Variants in SGCD observed in about 807,000 individuals in gnomAD.
The protein encoded by SGCD is delta-sarcoglycan.
Under a neutral mutation model 36.6 loss-of-function variants are expected in SGCD, and 18 were observed. The ratio of observed to expected loss-of-function variants is 0.49; its 90% CI spans 0.34 to 0.73. SGCD has a LOEUF of 0.73. SGCD is among the 30% of genes least tolerant of loss of function. The probability of loss-of-function intolerance (pLI) is 0.01; values close to 1 mark genes in which losing one functional copy is unlikely to be tolerated. For missense variants in SGCD, 387 were observed against 346.7 expected, an observed-to-expected ratio of 1.12 and a Z score of -0.92; for synonymous variants, 133 against 130.6, an observed-to-expected ratio of 1.02 and a Z score of -0.12.
chr5:156,598,018 T>G (rs1761004489), intron 6 of SGCD, among the ~76,000 whole-genome samples: 1 of 152,166 alleles, frequency 6.6e-6, no homozygotes, highest in Non-Finnish European at 1.5e-5. Flanking sequence ...GGTCTCATTT[T>G]CAGAAGGGGA....
At chr5:155,986,030 C>A (rs1457100985) in intron 1 of SGCD, among the ~76,000 whole-genome samples, 1 of 151,984 alleles carries the variant, frequency 6.6e-6, no homozygotes, top group Non-Finnish European at 1.5e-5. Context: ...CGAGGCACCC[C>A]AGGAGAGGTA....
chr5:155,987,140 C>T (rs78081943), intron 1 of SGCD, among the ~76,000 whole-genome samples: 1 of 152,152 alleles, frequency 6.6e-6, no homozygotes, highest in Non-Finnish European at 1.5e-5. Context: ...AAGGCCTTGA[C>T]AGAAATAGCT....
chr5:156,336,614 A>G lies in SGCD; in HGVS notation c.3+7035A>G, dbSNP rs540455674. ...TTAGATTTAGAGCATTATGTAAAATATGCTCTTGTTTGTGTAAAAAAAATA... is the reference window on the plus strand; with the variant it reads ...TTAGATTTAGAGCATTATGTAAAATGTGCTCTTGTTTGTGTAAAAAAAATA... On this transcript the variant is annotated intron_variant, in intron 2 of 8. Coordinates refer to ENST00000337851, the MANE Select transcript of SGCD (RefSeq NM_000337.6). Among the ~76,000 whole-genome samples the G allele has an allele frequency of 4.6e-5, 7 of 152,344 alleles. No individual in the cohort carries two copies. The South Asian group carries it at 1.5e-3, about 32-fold the overall frequency.
chr5:156,326,317 G>GA (rs1767814938), upstream of SGCD, among the ~76,000 whole-genome samples: 1 of 152,168 alleles, frequency 6.6e-6, no homozygotes, highest in African/African-American at 2.4e-5. Flanking sequence ...CAGGTGCACA[G>GA]AATTAGGACG....
intron 3 of SGCD, among the ~76,000 whole-genome samples, chr5:156,206,727 T>A (rs146547469): frequency 6.7e-6 from 1 of 150,162 alleles, no homozygotes; most frequent in East Asian, 1.9e-4. Flanking sequence ...CAGTGAATAA[T>A]TTTTTTTTTC....
In SGCD at chr5:156,548,287, T is replaced by C. The variant is rs551845264; in HGVS notation, c.294+39585T>C. 2.3e-4 allele frequency among the ~76,000 whole-genome samples: 35 copies of C among 152,328 alleles called. No individual in the cohort carries two copies. In the South Asian group the frequency reaches 6.6e-3, roughly 29 times the overall value. The stretch of plus-strand genomic sequence containing the variant: ...AAGTCGAATGTCCCCTTACCAACTT[T>C]GGAAGGAGAAGAGTTAATTGGAAAA... On this transcript the variant is annotated intron_variant, in intron 4 of 8. Transcript: ENST00000337851.
chr5:156,009,905 A>T (rs959588896), intron 1 of SGCD, among the ~76,000 whole-genome samples: 1 of 152,204 alleles, frequency 6.6e-6, no homozygotes, highest in African/African-American at 2.4e-5. Context: ...AGACATTTTT[A>T]AAAAATAAAA....
At chr5:156,718,433 G>A (rs564327517) in intron 7 of SGCD, among the ~76,000 whole-genome samples, 30 of 152,118 alleles carry the variant, frequency 2.0e-4, no homozygotes, top group African/African-American at 6.8e-4. Context: ...CCAAGTATGT[G>A]GCTTTGGAAA....
At chr5:156,174,928 A>G (rs1313195306) in intron 3 of SGCD, among the ~76,000 whole-genome samples, 2 of 152,228 alleles carry the variant, frequency 1.3e-5, no homozygotes. Context: ...ATGGAATCTT[A>G]GATAATGTCC....
chr5:156,228,208 G>A (rs1764906297), intron 3 of SGCD, among the ~76,000 whole-genome samples: 1 of 152,074 alleles, frequency 6.6e-6, no homozygotes, highest in South Asian at 2.1e-4. Context: ...TTGACTTCCT[G>A]TCTTGATGAC....
chr5:156,098,625 A>G (rs1761439432), intron 1 of SGCD, among the ~76,000 whole-genome samples: 1 of 141,612 alleles, frequency 7.1e-6, no homozygotes, highest in Non-Finnish European at 1.5e-5. Flanking sequence ...ATATTTATTT[A>G]TGTTGCATGT....
At chr5:156,710,283 C>A (rs1754930569) in intron 7 of SGCD, among the ~76,000 whole-genome samples, 1 of 152,260 alleles carries the variant, frequency 6.6e-6, no homozygotes, top group South Asian at 2.1e-4. Context: ...GAAAAACCAG[C>A]CAAAATGTGC....
intron 1 of SGCD, among the ~76,000 whole-genome samples, chr5:156,098,830 C>T (rs1269240410): frequency 6.6e-6 from 1 of 152,208 alleles, no homozygotes; most frequent in Non-Finnish European, 1.5e-5. Context: ...AGGCTGCTTA[C>T]TGTAGCTGAG....
At chr5:156,250,652 G>A (rs1046413015) in intron 3 of SGCD, among the ~76,000 whole-genome samples, 2 of 152,166 alleles carry the variant, frequency 1.3e-5, no homozygotes, top group Non-Finnish European at 1.5e-5. Flanking sequence ...CCAACTTTCC[G>A]ATTCTGTAAC....
the SGCD span, among the ~76,000 whole-genome samples, chr5:155,757,787 C>T: frequency 1.3e-5 from 2 of 152,196 alleles, no homozygotes; most frequent in Non-Finnish European, 2.9e-5. Context: ...TGTGTCTCCA[C>T]TCAAATCTCA....
chr5:155,916,624 G>A (rs1242820940), intron 1 of SGCD, among the ~76,000 whole-genome samples: 2 of 152,098 alleles, frequency 1.3e-5, no homozygotes, highest in African/African-American at 4.8e-5. Flanking sequence ...GTTGCTTCTA[G>A]CAGGACAGTA....
chr5:156,425,875 G>A (rs1773650757), intron 3 of SGCD, among the ~76,000 whole-genome samples: 1 of 152,008 alleles, frequency 6.6e-6, no homozygotes, highest in Admixed American at 6.6e-5. Flanking sequence ...CCAAGTTACT[G>A]CAAAGACCAT....
intron 1 of SGCD, among the ~76,000 whole-genome samples, chr5:156,000,877 G>A (rs192637167): frequency 1.2e-3 from 185 of 152,006 alleles, no homozygotes; most frequent in African/African-American, 3.4e-3. Flanking sequence ...AAGAATTTGC[G>A]TATGTAATAA....
chr5:156,435,981 A>G (rs1299188486), intron 3 of SGCD, among the ~76,000 whole-genome samples: 2 of 152,124 alleles, frequency 1.3e-5, no homozygotes, highest in Non-Finnish European at 2.9e-5. Context: ...TCTTTCCTCC[A>G]AGTAGCTCTC....
Sources: allele counts gnomAD v4.1 joint callset (sites outside exome capture counted in the v4.1 genomes callset), GRCh38; gene constraint gnomAD v4.1.1; transcripts MANE v1.5; gene names NCBI Gene and HGNC (gene_info 2026-07-23, HGNC 2026-07-21).